The following AKAP9 variants were observed in gnomAD, a reference collection of about 807,000 sequenced individuals.
AKAP9 encodes A-kinase anchor protein 9.
AKAP9 carries 311 observed loss-of-function variants against 488.5 expected under a neutral mutation model. The observed-to-expected ratio is 0.64, with a 90% CI of 0.58 to 0.70. The LOEUF (loss-of-function observed/expected upper bound fraction) is 0.70, where lower values mean the gene tolerates loss of function less well. Among genes scored for constraint, AKAP9 ranks in the 30% least tolerant of loss-of-function variants. The probability of loss-of-function intolerance (pLI) is 0.00; values close to 1 mark genes in which losing one functional copy is unlikely to be tolerated. For synonymous variants in AKAP9, 1,462 were observed against 1,483.5 expected (o/e 0.99, Z 0.33); for missense variants, 4,215 against 4,374.5 (o/e 0.96, Z 1.03).
intron 19 of AKAP9, 104 bp from the exon 20 acceptor site, chr7:92,042,563 GT>G: frequency 1.3e-6 from 1 of 784,682 alleles, no homozygotes; most frequent in East Asian, 2.6e-5. Flanking sequence ...GTGCACAGAG[GT>G]TTCTATTTTA....
intron 46 of AKAP9, among the ~76,000 whole-genome samples, chr7:92,103,059 G>A (rs1218691031): frequency 6.6e-6 from 1 of 152,094 alleles, no homozygotes; most frequent in Non-Finnish European, 1.5e-5. Context: ...GGCAGCTGGT[G>A]ACTCAGAGCT....
intron 1 of AKAP9, among the ~76,000 whole-genome samples, chr7:91,951,397 T>C (rs1210887735): frequency 6.6e-6 from 1 of 152,148 alleles, no homozygotes; most frequent in African/African-American, 2.4e-5. Flanking sequence ...TGATCACGGC[T>C]CATTGCAACC....
At chr7:92,100,093 C>T (rs2130907960) in intron 44 of AKAP9, 1 of 451,642 alleles carries the variant, frequency 2.2e-6, no homozygotes, top group Admixed American at 3.4e-5. Context: ...GGGTTGTATA[C>T]ATACAGAATC....
In AKAP9 at chr7:92,038,493, T is replaced by G; in HGVS notation, c.4413T>G (p.Thr1471=). 1.2e-6 allele frequency: 2 copies of G among 1,613,994 alleles called. No individual in the cohort carries two copies. Among genetic ancestry groups the G allele is most frequent in the Non-Finnish European group, 1.7e-6 (2 of 1,179,926 alleles). ...LSRISGGKEN[T]ASSKQAHAVC... ...GAATATCTGGGGGAAAAGAAAATAC[T>G]GCATCATCAAAGCAAGCACATGCTG... Residue 1471 remains threonine (T), a synonymous_variant, in exon 17 of 50, where the codon ACT becomes ACG. Coordinates refer to ENST00000356239, the MANE Select transcript of AKAP9 (RefSeq NM_005751.5).
Position 92,083,486 on chromosome 7 carries a change from A to C in AKAP9, c.8477A>C (p.Glu2826Ala). 6.2e-7 allele frequency: 1 copy of C among 1,612,220 alleles called. No homozygotes were observed. The highest frequency in any genetic ancestry group is 8.5e-7 in the Non-Finnish European group (1 of 1,179,164). The change falls in exon 33 of 50, where the codon GAA becomes GCA. Residue 2826 changes from glutamate (E) to alanine (A), a missense_variant. Transcript: ENST00000356239. ...ACTGAAATAATCAGTCAGTTTACTG[A>C]AAAAATTGAGAAGATGCAAGAACTA... ...EVTEIISQFTEKIEKMQELHA... is the reference protein window; with the variant it reads ...EVTEIISQFTAKIEKMQELHA...
chr7:91,980,999 A>T (rs1261745680), intron 3 of AKAP9, among the ~76,000 whole-genome samples: 1 of 152,186 alleles, frequency 6.6e-6, no homozygotes, highest in Non-Finnish European at 1.5e-5. Flanking sequence ...AGGAAAAAAA[A>T]ACTCCATGTT....
At chr7:92,045,830 C>CTTTTTTTTTT (rs35346628) in intron 21 of AKAP9, among the ~76,000 whole-genome samples, 2 of 108,914 alleles carry the variant, frequency 1.8e-5, no homozygotes, top group African/African-American at 3.3e-5. Flanking sequence ...CTTTCCGTTT[C>CTTTTTTTTTT]TTTTTTTTTT....
At chr7:92,017,300 T>C (rs1801651257) in intron 12 of AKAP9, among the ~76,000 whole-genome samples, 198 bp downstream of exon 12, 2 of 152,076 alleles carry the variant, frequency 1.3e-5, no homozygotes, top group South Asian at 4.1e-4. Flanking sequence ...ATAACCCCTT[T>C]AGAGAGTTTT....
intron 2 of AKAP9, among the ~76,000 whole-genome samples, chr7:91,976,616 G>C (rs1329851566): frequency 6.6e-6 from 1 of 152,156 alleles, no homozygotes; most frequent in African/African-American, 2.4e-5. Flanking sequence ...AGATGTTACA[G>C]CACACATTTT....
Position 92,002,016 on chromosome 7 carries a change from C to A in AKAP9, c.2099C>A (p.Ser700Ter). 6.2e-7 allele frequency: 1 copy of A among 1,610,978 alleles called. No individual in the cohort carries two copies. The highest frequency in any genetic ancestry group is 1.1e-5 in the South Asian group (1 of 90,048). Residue 700 changes from serine (S) to a stop codon, truncating the protein, a stop_gained, in exon 8 of 50, where the codon TCA (serine) becomes TAA (stop). Transcript: ENST00000356239. LOFTEE classifies it high-confidence loss of function. Reference sequence around the variant, plus strand: ...CAGAATCAATTAATTTTGGAAATTTCAAAGCTAAAAGATTTACAGCAGTCT... The same window carrying A: ...CAGAATCAATTAATTTTGGAAATTTAAAAGCTAAAAGATTTACAGCAGTCT... ...TKQNQLILEISKLKDLQQSLV... is the reference protein window; with the variant it reads ...TKQNQLILEI
intron 1 of AKAP9, among the ~76,000 whole-genome samples, chr7:91,949,043 G>T (rs1467271796): frequency 6.6e-6 from 1 of 152,100 alleles, no homozygotes; most frequent in Non-Finnish European, 1.5e-5. Flanking sequence ...GAGCCACTGC[G>T]CCTAGCCCAT....
intron 1 of AKAP9, among the ~76,000 whole-genome samples, chr7:91,971,668 C>T (rs1360584917): frequency 6.8e-6 from 1 of 146,160 alleles, no homozygotes; most frequent in East Asian, 2.1e-4. Context: ...CCCGGGTTCA[C>T]GCCATTCTCC....
At chr7:92,086,870 A>G (rs551986538) in intron 37 of AKAP9, among the ~76,000 whole-genome samples, 1 of 152,170 alleles carries the variant, frequency 6.6e-6, no homozygotes, top group Non-Finnish European at 1.5e-5. Context: ...TTAACCTTGA[A>G]CACCACCAAC....
intron 16 of AKAP9, among the ~76,000 whole-genome samples, chr7:92,034,481 T>TATATAA (rs1804830831): frequency 1.0e-5 from 1 of 97,250 alleles, no homozygotes; most frequent in Non-Finnish European, 1.9e-5. Flanking sequence ...TGTATATATC[T>TATATAA]ATATATATAT....
chr7:92,022,613 G>C (rs952118524), intron 13 of AKAP9, among the ~76,000 whole-genome samples: 4 of 152,006 alleles, frequency 2.6e-5, no homozygotes, highest in Non-Finnish European at 4.4e-5. Context: ...TACAGCATGA[G>C]GATCAAAAAG....
rs560851262 is a variant in AKAP9 at position 91,994,498 on chromosome 7, G to T, written c.577-123G>T. 2.1e-4 allele frequency: 186 copies of T among 877,930 alleles called. 1 individual carries two copies. In the African/African-American group the frequency reaches 2.4e-3, roughly 12 times the overall value. 54.4% of individuals were successfully genotyped at this position (877,930 alleles called of 1,614,324 possible). On this transcript the variant is annotated intron_variant, in intron 5 of 49. Transcript: ENST00000356239. ...TGTAAGTTAATAGTTTTCAAATGTG[G>T]AAAATACTGATTACAAAGTGTAAGA... is the stretch of plus-strand genomic sequence containing the variant.
At chr7:92,009,585 A>T (rs1207462202) in intron 8 of AKAP9, among the ~76,000 whole-genome samples, 2 of 152,232 alleles carry the variant, frequency 1.3e-5, no homozygotes, top group Non-Finnish European at 2.9e-5. Flanking sequence ...ATAGGATTAA[A>T]GGGAGAGAAC....
At chr7:91,998,237 C>T (rs1039919412) in intron 7 of AKAP9, among the ~76,000 whole-genome samples, 1 of 151,700 alleles carries the variant, frequency 6.6e-6, no homozygotes, top group Non-Finnish European at 1.5e-5. Context: ...TCTAACAGGC[C>T]CCAACCGGTA....
intron 46 of AKAP9, among the ~76,000 whole-genome samples, chr7:92,104,884 G>A (rs1051165531): frequency 6.6e-6 from 1 of 152,158 alleles, no homozygotes; most frequent in African/African-American, 2.4e-5. Flanking sequence ...TAGTGGGGAA[G>A]ACTAATATGC....
Sources: allele counts gnomAD v4.1 joint callset (sites outside exome capture counted in the v4.1 genomes callset), GRCh38; gene constraint gnomAD v4.1.1; transcripts MANE v1.5; gene names NCBI Gene and HGNC (gene_info 2026-07-23, HGNC 2026-07-21).